Variants in PARD3B observed in about 807,000 individuals in gnomAD.
PARD3B encodes partitioning defective 3 homolog B.
A neutral mutation model predicts 130.2 loss-of-function variants in PARD3B; 103 were observed. The observed-to-expected ratio is 0.79, with a 90% confidence interval of 0.67 to 0.93. The LOEUF is 0.93. Among genes scored for constraint, PARD3B ranks in the 40% least tolerant of loss-of-function variants. The pLI is 0.00. For synonymous variants in PARD3B, 583 were observed against 553.2 expected (o/e 1.05, Z -0.76); for missense variants, 1,609 against 1,499.2 (o/e 1.07, Z -1.21).
chr2:205,152,232 G>A (rs1286728380), intron 10 of PARD3B, among the ~76,000 whole-genome samples: 1 of 152,084 alleles, frequency 6.6e-6, no homozygotes, highest in African/African-American at 2.4e-5. Context: ...TGACAGTTAT[G>A]TGTTTTGGAG....
At chr2:204,559,529 C>T (rs2031163055) in intron 1 of PARD3B, among the ~76,000 whole-genome samples, 1 of 152,140 alleles carries the variant, frequency 6.6e-6, no homozygotes, top group Non-Finnish European at 1.5e-5. Context: ...ATTAAAAAGT[C>T]AGGAAACAAC....
chr2:204,868,870 A>C (rs1235106376), intron 2 of PARD3B, among the ~76,000 whole-genome samples: 2 of 152,120 alleles, frequency 1.3e-5, no homozygotes, highest in Non-Finnish European at 1.5e-5. Context: ...ATGCAATGGC[A>C]ATTAGGTAGA....
chr2:205,218,471 A>G (rs907923931), intron 15 of PARD3B, among the ~76,000 whole-genome samples: 8 of 152,220 alleles, frequency 5.3e-5, no homozygotes, highest in Admixed American at 2.6e-4. Context: ...AAAAATATCA[A>G]TTGCAAAAAG....
intron 16 of PARD3B, among the ~76,000 whole-genome samples, chr2:205,272,447 T>G (rs550630972): frequency 6.6e-6 from 1 of 152,310 alleles, no homozygotes; most frequent in South Asian, 2.1e-4. Context: ...ATATTTTATA[T>G]AAGGACCATT....
chr2:204,956,589 C>T (rs915521332), intron 2 of PARD3B, among the ~76,000 whole-genome samples: 3 of 150,908 alleles, frequency 2.0e-5, no homozygotes, highest in African/African-American at 4.9e-5. Flanking sequence ...TTTGTGTCTC[C>T]ATTTCCTCCC....
At chr2:205,250,841 A>C (rs146283280) in intron 16 of PARD3B, among the ~76,000 whole-genome samples, 74 of 152,264 alleles carry the variant, frequency 4.9e-4, no homozygotes, top group African/African-American at 1.7e-3. Flanking sequence ...AGGCAAGAGA[A>C]TCGCTTGAAC....
At chr2:205,326,193 T>C (rs1351845875) in intron 18 of PARD3B, among the ~76,000 whole-genome samples, 1 of 152,214 alleles carries the variant, frequency 6.6e-6, no homozygotes, top group Non-Finnish European at 1.5e-5. Flanking sequence ...AAAAACCGCA[T>C]ACTGAAAATG....
At chr2:205,532,269 A>C (rs1438738254) in intron 21 of PARD3B, among the ~76,000 whole-genome samples, 1 of 151,972 alleles carries the variant, frequency 6.6e-6, no homozygotes, top group Non-Finnish European at 1.5e-5. Flanking sequence ...GGCTTTAAAA[A>C]TATACTTGAT....
chr2:204,698,057 T>C (rs2037700515), intron 2 of PARD3B, among the ~76,000 whole-genome samples: 1 of 152,108 alleles, frequency 6.6e-6, no homozygotes. Context: ...CTAAGGAACA[T>C]GGCGTCAGAG....
intron 2 of PARD3B, among the ~76,000 whole-genome samples, chr2:204,913,252 T>A (rs2047313045): frequency 6.6e-6 from 1 of 152,140 alleles, no homozygotes; most frequent in African/African-American, 2.4e-5. Context: ...CCCTCAAATG[T>A]ATAGATTGTC....
chr2:205,583,478 A>ATGG (rs1443784194), intron 22 of PARD3B, among the ~76,000 whole-genome samples: 1 of 152,046 alleles, frequency 6.6e-6, no homozygotes, highest in African/African-American at 2.4e-5. Context: ...AGACATCATG[A>ATGG]TGGTGGTGGT....
intron 10 of PARD3B, among the ~76,000 whole-genome samples, chr2:205,147,589 C>T (rs962941541): frequency 6.6e-6 from 1 of 151,934 alleles, no homozygotes; most frequent in Non-Finnish European, 1.5e-5. Context: ...TCCCTCTACC[C>T]CCTTTCATGG....
chr2:204,878,736 G>A (rs994711540), intron 2 of PARD3B, among the ~76,000 whole-genome samples: 1 of 152,148 alleles, frequency 6.6e-6, no homozygotes, highest in African/African-American at 2.4e-5. Flanking sequence ...TCTTTGAGGA[G>A]CCATATTGAG....
chr2:204,869,756 A>T (rs1188099362), intron 2 of PARD3B, among the ~76,000 whole-genome samples: 1 of 152,148 alleles, frequency 6.6e-6, no homozygotes. Flanking sequence ...GGAAAAAAAA[A>T]TGTGGGTATT....
In PARD3B at chr2:205,617,456, C is replaced by T. The variant is rs1163081940; in HGVS notation, c.*1643C>T. 6.6e-6 allele frequency: 1 copy of T among 152,234 alleles called. No homozygotes were observed. Among genetic ancestry groups the T allele is most frequent in the Non-Finnish European group, 1.5e-5 (1 of 68,056 alleles). The allele number at this position is 152,234 out of a possible 1,614,324, so 9.4% of individuals were successfully genotyped here. ...ATTATTGAATACATAGGACATCCCT[C>T]TACCCCAGCTTACTCTTATCTTTTT... is the stretch of plus-strand genomic sequence containing the variant. On this transcript the variant is annotated 3_prime_UTR_variant, in exon 23 of 23. Coordinates refer to ENST00000406610, the MANE Select transcript of PARD3B (RefSeq NM_001302769.2).
At chr2:204,697,765 T>C (rs2037685059) in intron 2 of PARD3B, among the ~76,000 whole-genome samples, 1 of 152,066 alleles carries the variant, frequency 6.6e-6, no homozygotes, top group Non-Finnish European at 1.5e-5. Context: ...TTGAAGCCCA[T>C]ATGGTTCAGT....
chr2:204,615,342 G>T (rs12694004), intron 1 of PARD3B, among the ~76,000 whole-genome samples: 1 of 152,034 alleles, frequency 6.6e-6, no homozygotes, highest in African/African-American at 2.4e-5. Context: ...CCATTTGTCT[G>T]TCTTGTCCTT....
Position 205,301,898 on chromosome 2 carries a change from A to G in PARD3B, c.2630+197A>G, listed in dbSNP as rs1574641521. On this transcript the variant is annotated intron_variant, in intron 18 of 22. Coordinates refer to ENST00000406610, the MANE Select transcript of PARD3B (RefSeq NM_001302769.2). This position sits in a 1 kb window ranked among gnomAD's most constrained non-coding sequence, Gnocchi z 5.2. ...GGGAAAGTTACAGTGATGACAGGAC[A>G]CTGTCTTAAGTTTGTTGTCAAAGAA... The G allele has an allele frequency of 1.2e-6, 1 of 829,682 alleles. No homozygotes were observed. The highest frequency in any genetic ancestry group is 1.7e-5 in the African/African-American group (1 of 59,798). The allele number at this position is 829,682 out of a possible 1,614,324, so 51.4% of individuals were successfully genotyped here.
intron 22 of PARD3B, among the ~76,000 whole-genome samples, chr2:205,557,823 T>C (rs1484795864): frequency 2.6e-5 from 4 of 152,140 alleles, no homozygotes; most frequent in African/African-American, 9.7e-5. Flanking sequence ...TCATTTTCCC[T>C]GGCTTCTTGG....
Sources: gnomAD v4.1 joint callset for allele counts (sites outside exome capture counted in the v4.1 genomes callset) on GRCh38, gnomAD v4.1.1 for gene constraint, Gnocchi (gnomAD v3.1) non-coding constraint, MANE v1.5 for transcripts, NCBI Gene and HGNC (gene_info 2026-07-23, HGNC 2026-07-21) for gene names.